Variants in OAT observed in about 807,000 individuals in gnomAD.
OAT encodes ornithine aminotransferase, mitochondrial.
Under a neutral mutation model 48.4 loss-of-function variants are expected in OAT, and 35 were observed. The ratio of observed to expected loss-of-function variants is 0.72; its 90% confidence interval spans 0.55 to 0.96. The LOEUF (loss-of-function observed/expected upper bound fraction) is 0.96. Among genes scored for constraint, OAT ranks in the 40% least tolerant of loss-of-function variants. The pLI is 0.00. For synonymous variants in OAT, 182 were observed against 198.4 expected (o/e 0.92, Z 0.70); for missense variants, 438 against 537.9 (o/e 0.81, Z 1.84).
rs1270431900 is a variant in OAT at position 124,400,765 on chromosome 10, TAATTA to T, written c.1159+70_1159+74del. 33 of 1,180,210 alleles carry T rather than the reference TAATTA, an allele frequency of 2.8e-5. No homozygotes were observed. In the East Asian group the frequency reaches 8.5e-4, roughly 30 times the overall value. The allele number at this position is 1,180,210 out of a possible 1,614,324, so 73.1% of individuals were successfully genotyped here. A position where few individuals can be genotyped will look rare whatever the true frequency, so the allele number is the denominator to read the frequency against. On this transcript the variant is annotated intron_variant, in intron 9 of 9. Transcript: ENST00000368845. ...ACTCCGTCTCGAAAAATAAATAAATTAATTAAATTAAATACCAAGTGTATTTTAGG... is the reference window on the plus strand; with the variant it reads ...ACTCCGTCTCGAAAAATAAATAAATTAATTAAATACCAAGTGTATTTTAGG...
chr10:124,403,201 C>T, intron 6 of OAT, 146 bp from the exon 7 acceptor site: 1 of 836,068 alleles, frequency 1.2e-6, no homozygotes, highest in South Asian at 1.5e-5. Context: ...TAACTGCACA[C>T]AATTTCAAGA....
chr10:124,414,315 A>G (rs1951848376), intron 1 of OAT: 1 of 152,204 alleles, frequency 6.6e-6, no homozygotes, highest in African/African-American at 2.4e-5. Flanking sequence ...TGCTAAACAA[A>G]ATCCAGTACT....
chr10:124,417,347 C>T (rs1181102643), intron 1 of OAT, among the ~76,000 whole-genome samples: 1 of 141,032 alleles, frequency 7.1e-6, no homozygotes, highest in African/African-American at 2.7e-5. Context: ...TGCAGTGGCA[C>T]GATCTCAACT....
chr10:124,408,498 A>C, intron 4 of OAT, 44 bp downstream of exon 4: 1 of 1,517,598 alleles, frequency 6.6e-7, no homozygotes. Flanking sequence ...AGTAAATTAT[A>C]TTGTATGTTT....
chr10:124,408,282 TAA>T (rs1491106250), intron 4 of OAT, among the ~76,000 whole-genome samples: 15 of 120,174 alleles, frequency 1.2e-4, no homozygotes, highest in South Asian at 2.8e-4. Flanking sequence ...ATAAAATATA[TAA>T]GTGTGTGTGT....
intron 2 of OAT, among the ~76,000 whole-genome samples, chr10:124,409,734 C>T (rs552687834): frequency 1.3e-5 from 2 of 152,092 alleles, no homozygotes; most frequent in Admixed American, 1.3e-4. Context: ...AAAGGACAAA[C>T]AACCCAATTT....
chr10:124,418,655 C>T (rs1951996354), intron 1 of OAT, among the ~76,000 whole-genome samples: 1 of 151,826 alleles, frequency 6.6e-6, no homozygotes, highest in African/African-American at 2.4e-5. Flanking sequence ...GCGCGCCGGC[C>T]GGAGACTCCA....
At chr10:124,416,946 T>G (rs1292914101) in intron 1 of OAT, among the ~76,000 whole-genome samples, 1 of 151,514 alleles carries the variant, frequency 6.6e-6, no homozygotes, top group Non-Finnish European at 1.5e-5. Flanking sequence ...TCAAGCCAAG[T>G]GCATCATTGG....
At chr10:124,404,938 G>A (rs1370801630) in intron 5 of OAT, among the ~76,000 whole-genome samples, 1 of 152,184 alleles carries the variant, frequency 6.6e-6, no homozygotes, top group Non-Finnish European at 1.5e-5. Flanking sequence ...CAGCTACTTG[G>A]GAGGCTGAGG....
At chr10:124,401,990 T>C (rs1589699423) in intron 7 of OAT, 151 bp from the exon 8 acceptor site, 1 of 683,506 alleles carries the variant, frequency 1.5e-6, no homozygotes, top group Non-Finnish European at 2.7e-6. Context: ...CAAGCAATTC[T>C]CCTGCCTCAG....
intron 1 of OAT, chr10:124,418,218 G>A (rs2134513525): frequency 6.6e-6 from 1 of 152,544 alleles, no homozygotes; most frequent in East Asian, 1.9e-4. Context: ...ACAGAGGCTG[G>A]AGAAAAAAAA....
Position 124,412,142 on chromosome 10 carries a change from C to A in OAT, c.30G>T (p.Arg10Ser). The A allele has an allele frequency of 1.2e-6, 2 of 1,614,096 alleles. No individual in the cohort carries two copies. Among genetic ancestry groups the A allele is most frequent in the South Asian group, 1.1e-5 (1 of 91,082 alleles). The change falls in exon 2 of 10, where the codon AGG (arginine) becomes AGT (serine). Residue 10 changes from arginine to serine, a missense_variant. Transcript: ENST00000368845. Reference sequence around the variant, plus strand: ...GAACTCCGCGACTAAGTACAGCAAACCTCTGCAAATGTGCTAGTTTGGAAA... The same window carrying A: ...GAACTCCGCGACTAAGTACAGCAAAACTCTGCAAATGTGCTAGTTTGGAAA... MFSKLAHLQRFAVLSRGVHS... is the reference protein window; with the variant it reads MFSKLAHLQSFAVLSRGVHS...
intron 9 of OAT, among the ~76,000 whole-genome samples, chr10:124,399,338 C>CTTTTTTTTT (rs937720307): frequency 3.4e-5 from 2 of 58,764 alleles, no homozygotes; most frequent in Non-Finnish European, 5.9e-5. Flanking sequence ...CCAGGTGATT[C>CTTTTTTTTT]TTTTTTTTTT....
At chr10:124,408,309 GTGTGTGTGTA>G (rs1271727045) in intron 4 of OAT, among the ~76,000 whole-genome samples, 5 of 59,294 alleles carry the variant, frequency 8.4e-5, no homozygotes, top group African/African-American at 4.9e-4. Flanking sequence ...GTGTGTGTGT[GTGTGTGTGTA>G]TATATATATA....
At chr10:124,401,874 G>T in intron 7 of OAT, 35 bp from the exon 8 acceptor site, 2 of 1,470,598 alleles carry the variant, frequency 1.4e-6, no homozygotes, top group Non-Finnish European at 1.9e-6. Context: ...TCATTTCTCA[G>T]CACTAAGCAT....
intron 4 of OAT, chr10:124,405,837 G>A: frequency 1.6e-6 from 2 of 1,237,598 alleles, no homozygotes; most frequent in African/African-American, 1.5e-5. Context: ...CCTGAAGATA[G>A]ATAACTTACT....
At chr10:124,406,077 C>CT in intron 4 of OAT, 7 of 1,029,116 alleles carry the variant, frequency 6.8e-6, no homozygotes, top group Non-Finnish European at 8.2e-6. Context: ...TCCATTTTAC[C>CT]TTCCTTGATA....
rs1564729117 is a variant in OAT at position 124,401,739 on chromosome 10, A to G, written c.1001T>C (p.Ile334Thr). 1 of 1,610,876 alleles carries G rather than the reference A, an allele frequency of 6.2e-7. No individual in the cohort carries two copies. The highest frequency in any genetic ancestry group is 8.5e-7 in the Non-Finnish European group (1 of 1,177,604). The change falls in exon 8 of 10, where the codon ATC (isoleucine) becomes ACC (threonine). Residue 334 changes from isoleucine to threonine, a missense_variant. Physicochemically the swap from Ile to Thr is moderately conservative, Grantham distance 89. Coordinates refer to ENST00000368845, the MANE Select transcript of OAT (RefSeq NM_000274.4). ...GGNPLGCRVA[I>T]AALEVLEEEN... ...ATCAGTCTTTACCTCAAGGGCTGCGATGGCCACTCGGCAGCCTAGTGGATT... is the reference window on the plus strand; with the variant it reads ...ATCAGTCTTTACCTCAAGGGCTGCGGTGGCCACTCGGCAGCCTAGTGGATT...
intron 8 of OAT, 39 bp from the exon 9 acceptor site, chr10:124,401,023 CCTTT>C (rs1951393246): frequency 6.5e-7 from 1 of 1,544,810 alleles, no homozygotes; most frequent in East Asian, 2.3e-5. Context: ...TTAAGACTGT[CCTTT>C]TTTTGTTTTT....
Sources: allele counts gnomAD v4.1 joint callset (sites outside exome capture counted in the v4.1 genomes callset), GRCh38; gene constraint gnomAD v4.1.1; transcripts MANE v1.5; gene names NCBI Gene and HGNC (gene_info 2026-07-23, HGNC 2026-07-21).